MGAT4C: variants seen among roughly 807,000 people sequenced by gnomAD.
MGAT4C encodes MGAT4 family member C, also known as alpha-1,3-mannosyl-glycoprotein 4-beta-N-acetylglucosaminyltransferase C.
Under a neutral mutation model 40.1 loss-of-function variants are expected in MGAT4C, and 19 were observed. The ratio of observed to expected loss-of-function variants is 0.47; its 90% CI spans 0.33 to 0.70. The LOEUF (loss-of-function observed/expected upper bound fraction) is 0.70, where lower values mean the gene tolerates loss of function less well. Among genes scored for constraint, MGAT4C ranks in the 30% least tolerant of loss-of-function variants. The probability of loss-of-function intolerance (pLI) is 0.02; values close to 1 mark genes in which losing one functional copy is unlikely to be tolerated. For missense variants in MGAT4C, 491 were observed against 563.2 expected, an observed-to-expected ratio of 0.87 and a Z score of 1.30; for synonymous variants, 181 against 187.1, an observed-to-expected ratio of 0.97 and a Z score of 0.27.
rs115621826 is a variant in MGAT4C, at chr12:86,216,654, A to C, written c.-57+39585T>G. Among the ~76,000 whole-genome samples the C allele has an allele frequency of 8.9e-3, 1,351 of 152,326 alleles. 19 individuals carry two copies. The highest frequency in any genetic ancestry group is 0.029 in the African/African-American group (1,215 of 41,574). On this transcript the variant is annotated intron_variant, in intron 1 of 4. Transcript: ENST00000611864. ...ATATTGCCAAATTAAAATGTAAAAGAGCTCTATCTAATCATCTTCAAAATA... is the reference window on the plus strand; with the variant it reads ...ATATTGCCAAATTAAAATGTAAAAGCGCTCTATCTAATCATCTTCAAAATA...
chr12:86,098,803 T>G (rs916928152), intron 1 of MGAT4C, among the ~76,000 whole-genome samples: 5 of 151,648 alleles, frequency 3.3e-5, no homozygotes, highest in Non-Finnish European at 7.4e-5. Flanking sequence ...TTGCACATAA[T>G]GTTTGTGAGA....
intron 1 of MGAT4C, among the ~76,000 whole-genome samples, chr12:86,756,287 G>GT: frequency 6.6e-6 from 1 of 152,116 alleles, no homozygotes; most frequent in East Asian, 1.9e-4. Context: ...AAGTTCTCTG[G>GT]TATCTCTTCT....
At chr12:86,495,956 T>C (rs1311076159) in intron 2 of MGAT4C, among the ~76,000 whole-genome samples, 3 of 152,008 alleles carry the variant, frequency 2.0e-5, no homozygotes, top group Admixed American at 6.6e-5. Flanking sequence ...TTTTCCTACA[T>C]GTAGCTACAT....
chr12:86,260,273 T>C (rs1952632552), upstream of MGAT4C, among the ~76,000 whole-genome samples: 1 of 152,156 alleles, frequency 6.6e-6, no homozygotes, highest in African/African-American at 2.4e-5. Flanking sequence ...CCACCTTTTA[T>C]TGTTTCAACC....
intron 1 of MGAT4C, among the ~76,000 whole-genome samples, chr12:86,828,419 C>T (rs1285196032): frequency 6.6e-6 from 1 of 151,336 alleles, no homozygotes; most frequent in Non-Finnish European, 1.5e-5. Flanking sequence ...AATATACTTT[C>T]ATAACAAACT....
chr12:86,517,782 A>C (rs184007261), intron 2 of MGAT4C, among the ~76,000 whole-genome samples: 1 of 152,078 alleles, frequency 6.6e-6, no homozygotes, highest in Non-Finnish European at 1.5e-5. Flanking sequence ...AGTAGCTGGG[A>C]CGACAGGCGC....
intron 4 of MGAT4C, among the ~76,000 whole-genome samples, chr12:86,302,404 G>T (rs2406114): frequency 7.9e-6 from 1 of 126,330 alleles, no homozygotes; most frequent in African/African-American, 3.1e-5. Flanking sequence ...TTGTTTGGTT[G>T]GTTGGTTGGT....
chr12:86,451,646 T>C (rs1209032763), intron 2 of MGAT4C, among the ~76,000 whole-genome samples: 1 of 152,122 alleles, frequency 6.6e-6, no homozygotes, highest in African/African-American at 2.4e-5. Context: ...TTGCCTATTA[T>C]TTTCTCTTTC....
rs145335015 is a variant in MGAT4C, at chr12:86,271,774, A to G, written c.-57+62291T>C. Reference sequence around the variant, plus strand: ...AGTTTTCATCAATAGATGATGGAGTAGAGAATATTTGGTATATATACAGCA... The same window carrying G: ...AGTTTTCATCAATAGATGATGGAGTGGAGAATATTTGGTATATATACAGCA... On this transcript the variant is annotated intron_variant, in intron 4 of 7. Coordinates refer to the MGAT4C transcript ENST00000548651. 3.0e-3 allele frequency among the ~76,000 whole-genome samples: 456 copies of G among 152,378 alleles called. 1 individual carries two copies. Among genetic ancestry groups the G allele is most frequent in the African/African-American group, 0.01 (431 of 41,598 alleles).
chr12:86,494,958 T>C (rs1053686385), intron 2 of MGAT4C, among the ~76,000 whole-genome samples: 2 of 152,082 alleles, frequency 1.3e-5, no homozygotes, highest in Non-Finnish European at 2.9e-5. Flanking sequence ...GGGAATATAA[T>C]GTATTTCTAA....
intron 3 of MGAT4C, among the ~76,000 whole-genome samples, chr12:86,417,099 T>C (rs1394311560): frequency 6.6e-6 from 1 of 152,146 alleles, no homozygotes; most frequent in Non-Finnish European, 1.5e-5. Context: ...ATAAAAATTA[T>C]CACCAACAGT....
chr12:86,556,859 C>A (rs973764041), intron 2 of MGAT4C, among the ~76,000 whole-genome samples: 1 of 152,104 alleles, frequency 6.6e-6, no homozygotes, highest in Admixed American at 6.5e-5. Flanking sequence ...TATTCAGTTA[C>A]AAATGTTGCA....
At chr12:86,575,224 T>A (rs768612380) in intron 2 of MGAT4C, among the ~76,000 whole-genome samples, 1 of 141,726 alleles carries the variant, frequency 7.1e-6, no homozygotes, top group Non-Finnish European at 1.5e-5. Flanking sequence ...TGAGTTACAA[T>A]CCAATTGCAT....
chr12:86,797,929 C>G (rs1253835780), intron 1 of MGAT4C, among the ~76,000 whole-genome samples: 2 of 151,922 alleles, frequency 1.3e-5, no homozygotes, highest in African/African-American at 4.8e-5. Flanking sequence ...TGTTTATATA[C>G]TCCTGAGTTG....
At chr12:86,314,217 A>G (rs1954144275) in intron 4 of MGAT4C, among the ~76,000 whole-genome samples, 1 of 152,244 alleles carries the variant, frequency 6.6e-6, no homozygotes, top group South Asian at 2.1e-4. Context: ...ATGCTTTATC[A>G]TCACAGAATT....
intron 2 of MGAT4C, among the ~76,000 whole-genome samples, chr12:86,048,177 G>A (rs933329610): frequency 2.0e-5 from 3 of 152,222 alleles, no homozygotes; most frequent in African/African-American, 7.2e-5. Context: ...GATGCTGCTG[G>A]AGGCCATTAT....
chr12:86,642,553 G>C (rs998077042), intron 2 of MGAT4C, among the ~76,000 whole-genome samples: 1 of 151,732 alleles, frequency 6.6e-6, no homozygotes, highest in East Asian at 1.9e-4. Flanking sequence ...AGACTGAGAG[G>C]AGTTTGCAAA....
At chr12:86,008,909 T>C (rs550074724) in intron 2 of MGAT4C, among the ~76,000 whole-genome samples, 2 of 152,092 alleles carry the variant, frequency 1.3e-5, no homozygotes, top group Admixed American at 6.5e-5. Flanking sequence ...TTATACTTGC[T>C]GATTTTGTAA....
chr12:86,797,589 T>TA (rs1220632862), intron 1 of MGAT4C, among the ~76,000 whole-genome samples: 1 of 151,956 alleles, frequency 6.6e-6, no homozygotes, highest in Non-Finnish European at 1.5e-5. Flanking sequence ...AGGCAGCTGT[T>TA]ACTTCCTGCT....
Sources: gnomAD v4.1 joint callset for allele counts (sites outside exome capture counted in the v4.1 genomes callset) on GRCh38, gnomAD v4.1.1 for gene constraint, MANE v1.5 for transcripts, NCBI Gene and HGNC (gene_info 2026-07-23, HGNC 2026-07-21) for gene names.